RBFOX1: variants seen among roughly 807,000 people sequenced by gnomAD.
RBFOX1 encodes RNA binding fox-1 homolog 1.
RBFOX1 carries 8 observed loss-of-function variants against 57.7 expected under a neutral mutation model. That is an observed-to-expected ratio of 0.14 (90% CI 0.08 to 0.25). RBFOX1 has a LOEUF of 0.25. Ranked by LOEUF, RBFOX1 falls within the 10% of genes least tolerant of loss-of-function variation. The pLI, the probability that RBFOX1 is intolerant of heterozygous loss-of-function variation, is 1.00. For missense variants in RBFOX1, 611 were observed against 548.5 expected, an observed-to-expected ratio of 1.11 and a Z score of -1.14; for synonymous variants, 326 against 222.4, an observed-to-expected ratio of 1.47 and a Z score of -4.15.
intron 4 of RBFOX1, among the ~76,000 whole-genome samples, chr16:7,470,844 T>G (rs2061426352): frequency 6.6e-6 from 1 of 151,844 alleles, no homozygotes; most frequent in Non-Finnish European, 1.5e-5. Context: ...CACACCAGGT[T>G]AAAGTAGCAT....
intron 3 of RBFOX1, among the ~76,000 whole-genome samples, chr16:5,781,000 TATG>T (rs1226305212): frequency 2.0e-5 from 3 of 152,194 alleles, no homozygotes; most frequent in Non-Finnish European, 4.4e-5. Flanking sequence ...AGGTGGAGGT[TATG>T]ATAAAACAGG....
At chr16:5,747,237 C>G (rs1216035351) in intron 3 of RBFOX1, among the ~76,000 whole-genome samples, 5 of 152,174 alleles carry the variant, frequency 3.3e-5, no homozygotes, top group African/African-American at 9.7e-5. Flanking sequence ...TTGAAGCCCA[C>G]TTGATCATGG....
chr16:6,532,378 G>C (rs1221582531), intron 2 of RBFOX1, among the ~76,000 whole-genome samples: 8 of 152,146 alleles, frequency 5.3e-5, no homozygotes, highest in African/African-American at 1.9e-4. Flanking sequence ...GAGGGTTTCA[G>C]AGCTGCCCTA....
chr16:5,543,498 G>GAAC (rs1336973369), intron 2 of RBFOX1, among the ~76,000 whole-genome samples: 1 of 152,022 alleles, frequency 6.6e-6, no homozygotes, highest in African/African-American at 2.4e-5. Context: ...AACACATAGA[G>GAAC]AACAATAATA....
chr16:6,172,766 A>G (rs752816747), intron 1 of RBFOX1, among the ~76,000 whole-genome samples: 2 of 152,196 alleles, frequency 1.3e-5, no homozygotes, highest in South Asian at 4.1e-4. Flanking sequence ...GTGTTTTCCA[A>G]TGCTGCATTT....
intron 4 of RBFOX1, among the ~76,000 whole-genome samples, chr16:7,247,856 T>C (rs533992502): frequency 6.6e-5 from 10 of 151,914 alleles, no homozygotes; most frequent in Non-Finnish European, 1.5e-4. Context: ...CATGGACCCA[T>C]AGAGGGGAAC....
At chr16:6,069,483 C>T (rs532856744) in intron 1 of RBFOX1, among the ~76,000 whole-genome samples, 2 of 151,724 alleles carry the variant, frequency 1.3e-5, no homozygotes, top group East Asian at 3.9e-4. Context: ...CTGAGTCCTG[C>T]CTTCCCCATG....
At chr16:5,905,867 C>T (rs559099147) in intron 4 of RBFOX1, among the ~76,000 whole-genome samples, 95 of 152,326 alleles carry the variant, frequency 6.2e-4, no homozygotes, top group African/African-American at 2.2e-3. Flanking sequence ...CCTCCGGAAG[C>T]CTTCCTAATT....
Position 6,557,004 on chromosome 16 carries a change from TACATATATATAC to T in RBFOX1, c.-63-97597_-63-97586del, listed in dbSNP as rs1016415799. On this transcript the variant is annotated intron_variant, in intron 2 of 15. Transcript: ENST00000550418. Reference sequence around the variant, plus strand: ...ATACGTATATATACATACATATATATACATATATATACATATATATACATATATACACATATA... The same window carrying T: ...ATACGTATATATACATACATATATATATATATATACATATATACACATATA... 2.2e-4 allele frequency among the ~76,000 whole-genome samples: 30 copies of T among 136,956 alleles called. No individual in the cohort carries two copies. In the Middle Eastern group the frequency reaches 0.018, roughly 84 times the overall value. The allele number at this position is 136,956 out of a possible 152,430, so 89.8% of individuals were successfully genotyped here. A position where few individuals can be genotyped will look rare whatever the true frequency, so the allele number is the denominator to read the frequency against.
chr16:5,294,957 G>C (rs912786383), intron 1 of RBFOX1, among the ~76,000 whole-genome samples: 2 of 146,430 alleles, frequency 1.4e-5, no homozygotes, highest in Non-Finnish European at 3.0e-5. Context: ...TTGAGCCCAG[G>C]AGGCAGAGAC....
At chr16:7,416,228 A>C (rs539947780) in intron 4 of RBFOX1, among the ~76,000 whole-genome samples, 8 of 152,324 alleles carry the variant, frequency 5.3e-5, no homozygotes, top group African/African-American at 1.7e-4. Context: ...TGTGCCAAGG[A>C]AACAGATATT....
chr16:6,751,967 C>T (rs1267155751), intron 3 of RBFOX1, among the ~76,000 whole-genome samples: 1 of 152,088 alleles, frequency 6.6e-6, no homozygotes, highest in African/African-American at 2.4e-5. Context: ...ATTTTATGTC[C>T]TTGCCCTCAA....
intron 1 of RBFOX1, among the ~76,000 whole-genome samples, chr16:6,089,199 C>T (rs1050776691): frequency 1.3e-5 from 2 of 151,938 alleles, no homozygotes; most frequent in African/African-American, 2.4e-5. Context: ...GGGATGGATT[C>T]TGCATTCCAG....
In RBFOX1 at chr16:5,831,078, C is replaced by G. The variant is rs570324612; in HGVS notation, c.319-36225C>G. On this transcript the variant is annotated intron_variant, in intron 3 of 19. Transcript: ENST00000641259. The stretch of plus-strand genomic sequence containing the variant: ...TTCTCCTTACCCACAGGGATACGAG[C>G]ATCTTTAACAGTACGTGCCACAGAG... 5.9e-5 allele frequency among the ~76,000 whole-genome samples: 9 copies of G among 152,294 alleles called. No individual in the cohort carries two copies. In the South Asian group the frequency reaches 1.9e-3, roughly 32 times the overall value.
At chr16:5,519,256 C>G (rs531951051) in intron 2 of RBFOX1, among the ~76,000 whole-genome samples, 52 of 152,328 alleles carry the variant, frequency 3.4e-4, no homozygotes, top group African/African-American at 1.2e-3. Context: ...GCCAGCAGTT[C>G]ATGAGTAGAA....
chr16:6,494,224 C>T (rs1598191057), intron 2 of RBFOX1, among the ~76,000 whole-genome samples: 1 of 152,090 alleles, frequency 6.6e-6, no homozygotes, highest in Non-Finnish European at 1.5e-5. Context: ...TTTGAATTTC[C>T]CTAAGGTTAC....
chr16:7,248,555 C>T (rs912232562), intron 4 of RBFOX1, among the ~76,000 whole-genome samples: 2 of 152,182 alleles, frequency 1.3e-5, no homozygotes, highest in Non-Finnish European at 2.9e-5. Flanking sequence ...TTTTACCTGT[C>T]ATCTCAGCCA....
chr16:5,582,746 C>T (rs566283141), intron 2 of RBFOX1, among the ~76,000 whole-genome samples: 13 of 152,170 alleles, frequency 8.5e-5, no homozygotes, highest in African/African-American at 7.2e-5. Context: ...ATCTCAACCT[C>T]TGCCTCCTGC....
intron 1 of RBFOX1, among the ~76,000 whole-genome samples, chr16:6,064,070 C>A (rs8045590): frequency 0.82 from 124,745 of 152,104 alleles, 51,696 homozygotes; most frequent in Non-Finnish European, 0.88. Flanking sequence ...ATATTGTATG[C>A]GAGTATGATA....
Sources: gnomAD v4.1 joint callset for allele counts (sites outside exome capture counted in the v4.1 genomes callset) on GRCh38, gnomAD v4.1.1 for gene constraint, MANE v1.5 for transcripts, NCBI Gene and HGNC (gene_info 2026-07-23, HGNC 2026-07-21) for gene names.